The following NOX4 variants were observed in gnomAD, a reference collection of about 807,000 sequenced individuals.
NOX4 encodes NADPH oxidase 4.
A neutral mutation model predicts 87.6 loss-of-function variants in NOX4; 69 were observed. The observed-to-expected ratio is 0.79, with a 90% CI of 0.65 to 0.96. The LOEUF (loss-of-function observed/expected upper bound fraction) is 0.96. Among genes scored for constraint, NOX4 ranks in the 40% least tolerant of loss-of-function variants. The pLI is 0.00. For missense variants in NOX4, 680 were observed against 681.5 expected, an observed-to-expected ratio of 1.00 and a Z score of 0.02; for synonymous variants, 275 against 238.2, an observed-to-expected ratio of 1.15 and a Z score of -1.42.
At chr11:89,390,182 C>A (rs907343955) in intron 11 of NOX4, among the ~76,000 whole-genome samples, 1 of 152,128 alleles carries the variant, frequency 6.6e-6, no homozygotes, top group African/African-American at 2.4e-5. Context: ...CAGGAAGAGA[C>A]TGTAAATTAG....
intron 8 of NOX4, 94 bp downstream of exon 8, chr11:89,421,808 T>A (rs1199621373): frequency 3.0e-6 from 2 of 676,970 alleles, no homozygotes; most frequent in Non-Finnish European, 5.1e-6. Flanking sequence ...TCTTGACACT[T>A]TTACCACCTC....
At chr11:89,537,199 C>A in the NOX4 span, among the ~76,000 whole-genome samples, 3 of 152,040 alleles carry the variant, frequency 2.0e-5, no homozygotes, top group African/African-American at 7.2e-5. Flanking sequence ...TGTCAGCCAA[C>A]GTCCTTAGTC....
At chr11:89,473,349 A>G (rs16913349) in intron 2 of NOX4, among the ~76,000 whole-genome samples, 8,461 of 152,158 alleles carry the variant, frequency 0.056, 782 homozygotes, top group African/African-American at 0.19. Flanking sequence ...CTCCTCATCA[A>G]AAACAATCAT....
At chr11:89,456,854 T>C (rs369584165) in intron 2 of NOX4, among the ~76,000 whole-genome samples, 1 of 152,128 alleles carries the variant, frequency 6.6e-6, no homozygotes, top group Admixed American at 6.5e-5. Context: ...TCCATGGCCT[T>C]CTAAGTGACG....
At chr11:89,471,873 C>G (rs1263290880) in intron 2 of NOX4, among the ~76,000 whole-genome samples, 1 of 152,182 alleles carries the variant, frequency 6.6e-6, no homozygotes, top group Non-Finnish European at 1.5e-5. Context: ...TACTGAGTAA[C>G]TTGGATTACA....
intron 12 of NOX4, among the ~76,000 whole-genome samples, chr11:89,362,209 A>T (rs1487169680): frequency 6.6e-6 from 1 of 150,868 alleles, no homozygotes; most frequent in Non-Finnish European, 1.5e-5. Context: ...CCTTCTAGCT[A>T]ATCCAACCTG....
At chr11:89,489,100 G>T (rs753722889) in intron 2 of NOX4, 21 of 656,710 alleles carry the variant, frequency 3.2e-5, no homozygotes, top group Non-Finnish European at 4.4e-5. Context: ...TAAAGTGTGT[G>T]ATCAACAGAT....
chr11:89,527,414 C>T, the NOX4 span, among the ~76,000 whole-genome samples: 2 of 152,292 alleles, frequency 1.3e-5, no homozygotes, highest in African/African-American at 4.8e-5. Flanking sequence ...GAGTCAAATG[C>T]TAATCAGCAA....
upstream of NOX4, among the ~76,000 whole-genome samples, chr11:89,496,911 G>C (rs528078699): frequency 1.3e-5 from 2 of 152,268 alleles, no homozygotes; most frequent in African/African-American, 4.8e-5. Flanking sequence ...TTTTATACAT[G>C]ACAGAACTGA....
chr11:89,541,200 A>G, the NOX4 span, among the ~76,000 whole-genome samples: 1 of 152,084 alleles, frequency 6.6e-6, no homozygotes, highest in African/African-American at 2.4e-5. Context: ...AAGTTAGAAG[A>G]AGCAGTTAAA....
chr11:89,357,814 C>G (rs2134988507), intron 12 of NOX4, among the ~76,000 whole-genome samples: 1 of 152,170 alleles, frequency 6.6e-6, no homozygotes, highest in East Asian at 1.9e-4. Context: ...AAGTGTTTCT[C>G]TTTTTACATA....
At position 89,402,398 on chromosome 11, in the gene NOX4, C is replaced by T. The variant is rs375572947; in HGVS notation, c.774G>A (p.Pro258=). ...CAAATTTGTGCTGGGTAAACTCTGC[C>T]GGTTTTGAAAATCCTTCAGGGAAAG... The part of the protein sequence containing the change: ...HEPFPEGFSK[P]AEFTQHKFVK... Residue 258 remains proline (P), a synonymous_variant, in exon 9 of 18, where the codon CCG becomes CCA. Transcript: ENST00000263317. The T allele has an allele frequency of 1.2e-5, 20 of 1,612,804 alleles. No individual in the cohort carries two copies. The African/African-American group carries it at 1.5e-4, about 12-fold the overall frequency.
the NOX4 span, among the ~76,000 whole-genome samples, chr11:89,536,839 C>T: frequency 6.6e-6 from 1 of 152,198 alleles, no homozygotes; most frequent in Non-Finnish European, 1.5e-5. Context: ...AGTCAATTGC[C>T]CAATGTATGA....
intron 8 of NOX4, among the ~76,000 whole-genome samples, chr11:89,421,488 C>T (rs1238856532): frequency 3.3e-5 from 5 of 151,986 alleles, no homozygotes; most frequent in African/African-American, 1.2e-4. Context: ...GTATTACTTC[C>T]TGTAGAACTT....
At chr11:89,421,617 G>A (rs1387401564) in intron 8 of NOX4, among the ~76,000 whole-genome samples, 1 of 152,056 alleles carries the variant, frequency 6.6e-6, no homozygotes, top group Admixed American at 6.6e-5. Flanking sequence ...TTTTCATTTA[G>A]AAGATATTAG....
intron 2 of NOX4, among the ~76,000 whole-genome samples, chr11:89,452,642 C>T (rs1945015650): frequency 6.6e-6 from 1 of 151,856 alleles, no homozygotes; most frequent in East Asian, 1.9e-4. Context: ...ATGAAATGAC[C>T]AAATCAAGCT....
At chr11:89,429,696 T>G (rs1394796692) in intron 7 of NOX4, among the ~76,000 whole-genome samples, 2 of 151,918 alleles carry the variant, frequency 1.3e-5, no homozygotes, top group Non-Finnish European at 1.5e-5. Flanking sequence ...AATAACAGGC[T>G]CTGAAATTGA....
At chr11:89,333,644 C>T (rs1455572725) in intron 17 of NOX4, among the ~76,000 whole-genome samples, 3 of 151,732 alleles carry the variant, frequency 2.0e-5, no homozygotes, top group East Asian at 3.9e-4. Context: ...ACTTATATGC[C>T]TGTCTTCCCT....
chr11:89,445,167 G>A (rs561286807), intron 4 of NOX4, among the ~76,000 whole-genome samples: 16 of 152,242 alleles, frequency 1.1e-4, no homozygotes, highest in Non-Finnish European at 1.9e-4. Context: ...GATGGTGACA[G>A]AAACAAAAGG....
Sources: allele counts gnomAD v4.1 joint callset (sites outside exome capture counted in the v4.1 genomes callset), GRCh38; gene constraint gnomAD v4.1.1; transcripts MANE v1.5; gene names NCBI Gene and HGNC (gene_info 2026-07-23, HGNC 2026-07-21).